Variants in ANKS1B observed in about 807,000 individuals in gnomAD.
ANKS1B encodes ankyrin repeat and sterile alpha motif domain-containing protein 1B.
Under a neutral mutation model 148.3 loss-of-function variants are expected in ANKS1B, and 36 were observed. That is an observed-to-expected ratio of 0.24 (90% CI 0.19 to 0.32). ANKS1B has a LOEUF of 0.32. Ranked by LOEUF, ANKS1B falls within the 10% of genes least tolerant of loss-of-function variation. The probability of loss-of-function intolerance (pLI) is 1.00; values close to 1 mark genes in which losing one functional copy is unlikely to be tolerated. For missense variants in ANKS1B, 1,157 were observed against 1,542.6 expected, an observed-to-expected ratio of 0.75 and a Z score of 4.19; for synonymous variants, 542 against 560.8, an observed-to-expected ratio of 0.97 and a Z score of 0.47.
At chr12:99,253,238 A>AT (rs900681946) in intron 12 of ANKS1B, among the ~76,000 whole-genome samples, 12 of 151,596 alleles carry the variant, frequency 7.9e-5, no homozygotes, top group African/African-American at 2.9e-4. Flanking sequence ...AAAAAAAAAA[A>AT]GGCAGTGGGG....
intron 15 of ANKS1B, among the ~76,000 whole-genome samples, chr12:99,090,904 G>A (rs1295406433): frequency 6.6e-6 from 1 of 152,090 alleles, no homozygotes; most frequent in African/African-American, 2.4e-5. Flanking sequence ...TGGATGATGT[G>A]CTTCTTCCAA....
chr12:98,905,747 G>A lies in ANKS1B; in HGVS notation c.2779-73611C>T, dbSNP rs531618590. Among the ~76,000 whole-genome samples the A allele has an allele frequency of 3.9e-5, 6 of 152,100 alleles. No individual in the cohort carries two copies. The South Asian group carries it at 8.3e-4, about 21-fold the overall frequency. ...AGATCGTACCATTGCACTCCAGCCT[G>A]GGTGACAAAGCAAGAACCTGTCTCA... On this transcript the variant is annotated intron_variant, in intron 17 of 26. Transcript: ENST00000683438.
chr12:98,860,832 T>C (rs1187138896), intron 17 of ANKS1B, among the ~76,000 whole-genome samples: 1 of 152,154 alleles, frequency 6.6e-6, no homozygotes, highest in Non-Finnish European at 1.5e-5. Flanking sequence ...CGTTTACCTA[T>C]GTAACAAATC....
chr12:99,813,324 T>A (rs779472397), intron 2 of ANKS1B, among the ~76,000 whole-genome samples: 33 of 151,488 alleles, frequency 2.2e-4, no homozygotes, highest in Admixed American at 4.0e-4. Flanking sequence ...TTTGGATGCA[T>A]TTAAGAAGCA....
At chr12:99,780,305 T>C (rs1295908401) in intron 5 of ANKS1B, among the ~76,000 whole-genome samples, 1 of 152,024 alleles carries the variant, frequency 6.6e-6, no homozygotes, top group Non-Finnish European at 1.5e-5. Flanking sequence ...AGACGGAGTC[T>C]CACTCTGTTG....
chr12:98,868,266 C>T (rs1285437122), intron 17 of ANKS1B, among the ~76,000 whole-genome samples: 5 of 150,644 alleles, frequency 3.3e-5, no homozygotes, highest in Admixed American at 6.6e-5. Context: ...GTGTGGGCTG[C>T]GCATGGAACG....
chr12:99,119,533 C>A (rs954011446), intron 15 of ANKS1B, among the ~76,000 whole-genome samples: 5 of 152,150 alleles, frequency 3.3e-5, no homozygotes, highest in Non-Finnish European at 5.9e-5. Flanking sequence ...AACTTTGGTT[C>A]ATTCCTTCAT....
intron 12 of ANKS1B, among the ~76,000 whole-genome samples, chr12:99,281,991 G>T (rs1294610945): frequency 1.3e-5 from 2 of 152,142 alleles, no homozygotes; most frequent in Non-Finnish European, 2.9e-5. Context: ...TGTTCTCATG[G>T]AGATTACCTT....
intron 15 of ANKS1B, among the ~76,000 whole-genome samples, chr12:99,119,422 AT>A: frequency 6.6e-6 from 1 of 152,168 alleles, no homozygotes; most frequent in East Asian, 1.9e-4. Context: ...GAGAAGATAA[AT>A]GTTTTTTTTA....
chr12:99,756,827 C>CA (rs1443381286), intron 8 of ANKS1B, among the ~76,000 whole-genome samples: 1 of 151,730 alleles, frequency 6.6e-6, no homozygotes, highest in Non-Finnish European at 1.5e-5. Flanking sequence ...ACAAACCTGA[C>CA]AAAAAACAAG....
intron 17 of ANKS1B, among the ~76,000 whole-genome samples, chr12:99,022,626 C>T (rs934627557): frequency 2.6e-5 from 4 of 152,140 alleles, no homozygotes; most frequent in Admixed American, 6.6e-5. Flanking sequence ...TTGAAAGTGG[C>T]CATCTGTGTT....
rs560375346 is a variant in ANKS1B, at chr12:99,030,460, G to A, written c.2778+22697C>T. ...CAGCTTCCCCCCAACCCCCACCCCC[G>A]TCTAATGAAAAAGAAGTTAAATTCC... On this transcript the variant is annotated intron_variant, in intron 17 of 26. Transcript: ENST00000683438. Among the ~76,000 whole-genome samples, 78 of 89,356 alleles carry A rather than the reference G, an allele frequency of 8.7e-4. 1 individual carries two copies. The highest frequency in any genetic ancestry group is 3.4e-3 in the African/African-American group (75 of 22,186). 58.6% of individuals were successfully genotyped at this position (89,356 alleles called of 152,430 possible).
At chr12:99,962,515 G>A (rs1202000511) in intron 1 of ANKS1B, among the ~76,000 whole-genome samples, 4 of 152,124 alleles carry the variant, frequency 2.6e-5, no homozygotes, top group African/African-American at 7.2e-5. Flanking sequence ...ATAAACATAC[G>A]TGTGCATGTA....
chr12:99,151,680 G>T (rs1466677672), intron 15 of ANKS1B, among the ~76,000 whole-genome samples: 2 of 152,126 alleles, frequency 1.3e-5, no homozygotes, highest in African/African-American at 4.8e-5. Flanking sequence ...TATGTATGTA[G>T]AACAGATTTA....
At chr12:99,738,082 T>C (rs1435195730) in intron 8 of ANKS1B, among the ~76,000 whole-genome samples, 1 of 152,184 alleles carries the variant, frequency 6.6e-6, no homozygotes, top group Non-Finnish European at 1.5e-5. Flanking sequence ...CAGAATGCTG[T>C]AAAGCAGGCA....
intron 9 of ANKS1B, among the ~76,000 whole-genome samples, chr12:99,512,688 T>C (rs2096778470): frequency 1.3e-5 from 2 of 152,116 alleles, no homozygotes; most frequent in South Asian, 4.1e-4. Context: ...AAAGAAAATG[T>C]GGTACATATA....
At chr12:99,961,900 C>T (rs578258049) in intron 1 of ANKS1B, among the ~76,000 whole-genome samples, 1 of 152,238 alleles carries the variant, frequency 6.6e-6, no homozygotes, top group South Asian at 2.1e-4. Context: ...ACCATAAAAA[C>T]AGAAAGCCAA....
At chr12:99,900,059 C>T (rs778397274) in intron 1 of ANKS1B, among the ~76,000 whole-genome samples, 28 of 151,816 alleles carry the variant, frequency 1.8e-4, no homozygotes, top group Non-Finnish European at 2.5e-4. Context: ...CCATCATGCC[C>T]GGCTAATTTT....
intron 17 of ANKS1B, among the ~76,000 whole-genome samples, chr12:99,000,343 C>A (rs1168886187): frequency 6.9e-6 from 1 of 145,934 alleles, no homozygotes; most frequent in African/African-American, 2.6e-5. Flanking sequence ...AATCTCAGCT[C>A]ACTGCAACCT....
Sources: gnomAD v4.1 joint callset for allele counts (sites outside exome capture counted in the v4.1 genomes callset) on GRCh38, gnomAD v4.1.1 for gene constraint, MANE v1.5 for transcripts, NCBI Gene and HGNC (gene_info 2026-07-23, HGNC 2026-07-21) for gene names.